The following CFAP95 variants were observed in gnomAD, a reference collection of about 807,000 sequenced individuals.
CFAP95 encodes the protein cilia and flagella associated protein 95, also known as cilia- and flagella-associated protein 95.
chr9:69,844,534 CT>C, the CFAP95 span: 1 of 1,598,546 alleles, frequency 6.3e-7, no homozygotes, highest in Non-Finnish European at 8.5e-7. Flanking sequence ...GACAGAGAAG[CT>C]TTTCCCAAAG....
At chr9:69,888,265 A>T in the CFAP95 span, among the ~76,000 whole-genome samples, 1 of 152,180 alleles carries the variant, frequency 6.6e-6, no homozygotes, top group Admixed American at 6.5e-5. Flanking sequence ...TTAGGACGCC[A>T]CCTTCATTAT....
At chr9:69,824,789 T>G in the CFAP95 span, among the ~76,000 whole-genome samples, 1 of 152,206 alleles carries the variant, frequency 6.6e-6, no homozygotes, top group African/African-American at 2.4e-5. Context: ...TAATACAAGG[T>G]TATGTCTTGA....
chr9:69,833,579 G>GT, the CFAP95 span, among the ~76,000 whole-genome samples: 1 of 152,130 alleles, frequency 6.6e-6, no homozygotes, highest in African/African-American at 2.4e-5. Context: ...TGCGGGAAAT[G>GT]TAACTTGGTT....
chr9:69,897,957 A>G, the CFAP95 span, among the ~76,000 whole-genome samples: 4 of 152,254 alleles, frequency 2.6e-5, no homozygotes, highest in South Asian at 2.1e-4. Context: ...TTCTTAACCA[A>G]TCTTCTGAAA....
At chr9:69,893,907 A>G in the CFAP95 span, among the ~76,000 whole-genome samples, 1 of 152,108 alleles carries the variant, frequency 6.6e-6, no homozygotes, top group Admixed American at 6.6e-5. Flanking sequence ...TTGCTTATTT[A>G]TCTTATCGTG....
the CFAP95 span, among the ~76,000 whole-genome samples, chr9:69,856,237 G>A: frequency 1.3e-5 from 2 of 151,952 alleles, no homozygotes; most frequent in African/African-American, 4.8e-5. Flanking sequence ...TCCTGCTTAG[G>A]GTATTTAAAA....
the CFAP95 span, among the ~76,000 whole-genome samples, chr9:69,864,476 G>T: frequency 6.6e-6 from 1 of 152,102 alleles, no homozygotes. Context: ...GACTCCAGTT[G>T]TTTCCATTTG....
chr9:69,856,896 A>C, the CFAP95 span, among the ~76,000 whole-genome samples: 3 of 148,834 alleles, frequency 2.0e-5, no homozygotes, highest in African/African-American at 7.4e-5. Context: ...GGCCCAGCTA[A>C]AATGCCATTT....
At chr9:69,843,552 CTCCTCCTTCTTCTTCTTCTTCT>C in the CFAP95 span, among the ~76,000 whole-genome samples, 160 of 25,476 alleles carry the variant, frequency 6.3e-3, 15 homozygotes, top group South Asian at 0.013. Context: ...CCTCCTCCTC[CTCCTCCTTCTTCTTCTTCTTCT>C]TCTTCTTCTT....
At chr9:69,885,497 G>A in the CFAP95 span, among the ~76,000 whole-genome samples, 1 of 152,110 alleles carries the variant, frequency 6.6e-6, no homozygotes, top group Admixed American at 6.6e-5. Flanking sequence ...TGAATCTAAG[G>A]CCAAGTCTCT....
At chr9:69,842,729 CT>C in the CFAP95 span, among the ~76,000 whole-genome samples, 5 of 152,210 alleles carry the variant, frequency 3.3e-5, no homozygotes, top group African/African-American at 4.8e-5. Flanking sequence ...AATATCCCCC[CT>C]GAGGACTTAA....
the CFAP95 span, among the ~76,000 whole-genome samples, chr9:69,833,486 C>T: frequency 6.6e-6 from 1 of 152,148 alleles, no homozygotes; most frequent in Non-Finnish European, 1.5e-5. Context: ...ACGGTGTGAG[C>T]TATTGCACCT....
chr9:69,841,024 T>C, the CFAP95 span, among the ~76,000 whole-genome samples: 2 of 151,354 alleles, frequency 1.3e-5, no homozygotes, highest in Admixed American at 6.6e-5. Context: ...TTAAAGTATA[T>C]GGTAGGATCA....
the CFAP95 span, among the ~76,000 whole-genome samples, chr9:69,858,546 T>A: frequency 9.9e-5 from 15 of 152,164 alleles, no homozygotes; most frequent in Non-Finnish European, 1.2e-4. Context: ...AACACATGTG[T>A]TAGACAAGCT....
At chr9:69,847,538 T>C in the CFAP95 span, among the ~76,000 whole-genome samples, 1 of 152,208 alleles carries the variant, frequency 6.6e-6, no homozygotes, top group Non-Finnish European at 1.5e-5. Flanking sequence ...CACTGCACCT[T>C]CCTTGTAGAA....
chr9:69,868,675 A>C, the CFAP95 span, among the ~76,000 whole-genome samples: 1 of 151,262 alleles, frequency 6.6e-6, no homozygotes, highest in Non-Finnish European at 1.5e-5. Flanking sequence ...AAAAAAAAAA[A>C]AACCAAAAAC....
chr9:69,905,938 C>T, the CFAP95 span: 2 of 1,487,066 alleles, frequency 1.3e-6, no homozygotes, highest in African/African-American at 1.4e-5. Context: ...TATTATTTCT[C>T]TTTTTTCCCC....
At chr9:69,823,935 G>A in the CFAP95 span, among the ~76,000 whole-genome samples, 1 of 152,024 alleles carries the variant, frequency 6.6e-6, no homozygotes, top group Non-Finnish European at 1.5e-5. Context: ...CTTCTTTTGT[G>A]GTGGAATGTC....
the CFAP95 span, among the ~76,000 whole-genome samples, chr9:69,880,517 T>A: frequency 0.041 from 6,182 of 152,268 alleles, 380 homozygotes; most frequent in African/African-American, 0.14. Context: ...TGAATAGTGG[T>A]TCATTGTCTA....
Sources: allele counts gnomAD v4.1 joint callset (sites outside exome capture counted in the v4.1 genomes callset), GRCh38; gene constraint gnomAD v4.1.1; transcripts MANE v1.5; gene names NCBI Gene and HGNC (gene_info 2026-07-23, HGNC 2026-07-21).